The following DKK3 variants were observed in gnomAD, a reference collection of about 807,000 sequenced individuals.
The protein encoded by DKK3 is dickkopf Wnt signaling pathway inhibitor 3.
DKK3 carries 22 observed loss-of-function variants against 33.2 expected under a neutral mutation model. That is an observed-to-expected ratio of 0.66 (90% confidence interval 0.47 to 0.95). DKK3 has a LOEUF of 0.95. DKK3 is among the 40% of genes least tolerant of loss of function. The pLI is 0.00. For missense variants in DKK3, 398 were observed against 458.4 expected, an observed-to-expected ratio of 0.87 and a Z score of 1.20; for synonymous variants, 194 against 188.8, an observed-to-expected ratio of 1.03 and a Z score of -0.23.
In DKK3 at chr11:11,970,129, T is replaced by C. The variant is rs565132012; in HGVS notation, c.436-1642A>G. Among the ~76,000 whole-genome samples the C allele has an allele frequency of 4.6e-5, 7 of 151,618 alleles. No homozygotes were observed. In the East Asian group the frequency reaches 7.8e-4, roughly 17 times the overall value. On this transcript the variant is annotated intron_variant, in intron 3 of 6. Transcript: ENST00000683431. ...TTTCCAAAGCAGAATGGCAAGAAAA[T>C]GGAGTGGGAGGGACGACATTTGGGA...
At chr11:11,974,279 G>C (rs933075519) in intron 3 of DKK3, among the ~76,000 whole-genome samples, 2 of 152,248 alleles carry the variant, frequency 1.3e-5, no homozygotes, top group African/African-American at 4.8e-5. Flanking sequence ...CATCCTTCAG[G>C]CTTTAAGTAT....
At position 11,965,772 on chromosome 11, in the gene DKK3, C is replaced by T. The variant is rs983361753; in HGVS notation, c.830+37G>A. On this transcript the variant is annotated intron_variant, in intron 6 of 6. Transcript: ENST00000683431. ...CCCTGCTGGATGGCACCTCCTCAGC[C>T]CTTGGCTCCCTGAGAGTGAGGGTTA... 6.8e-6 allele frequency: 11 copies of T among 1,606,518 alleles called. No individual in the cohort carries two copies. The Admixed American group carries it at 1.5e-4, about 22-fold the overall frequency.
At chr11:11,993,556 G>GCCTAC (rs1848229593) in intron 3 of DKK3, among the ~76,000 whole-genome samples, 1 of 151,994 alleles carries the variant, frequency 6.6e-6, no homozygotes, top group South Asian at 2.1e-4. Context: ...AAAAAGAAAT[G>GCCTAC]CCTACCCCAT....
chr11:11,976,691 G>T (rs1847840637), intron 3 of DKK3, among the ~76,000 whole-genome samples: 1 of 152,232 alleles, frequency 6.6e-6, no homozygotes, highest in African/African-American at 2.4e-5. Flanking sequence ...TGTGCCTGCT[G>T]CAGGAGGGCA....
chr11:11,993,644 A>T (rs1009114344), intron 3 of DKK3, among the ~76,000 whole-genome samples: 2 of 152,176 alleles, frequency 1.3e-5, no homozygotes, highest in African/African-American at 4.8e-5. Context: ...GAGCTCTTCA[A>T]TTTTTCTTAT....
At chr11:11,964,974 T>G (rs1243771754) in intron 6 of DKK3, among the ~76,000 whole-genome samples, 1 of 152,154 alleles carries the variant, frequency 6.6e-6, no homozygotes, top group Non-Finnish European at 1.5e-5. Flanking sequence ...ACCTGAGTGC[T>G]ATGTAGCAGC....
intron 6 of DKK3, among the ~76,000 whole-genome samples, chr11:11,964,943 GC>G (rs1051428206): frequency 1.8e-4 from 27 of 152,258 alleles, no homozygotes; most frequent in Middle Eastern, 3.4e-3. Context: ...TGACTCTCAG[GC>G]CCCGCAGCCC....
intron 1 of DKK3, among the ~76,000 whole-genome samples, chr11:12,006,293 C>T (rs1848534655): frequency 6.6e-6 from 1 of 152,176 alleles, no homozygotes; most frequent in South Asian, 2.1e-4. Context: ...GGGCTCTTGA[C>T]CTGACCAGTG....
intron 3 of DKK3, among the ~76,000 whole-genome samples, chr11:11,994,385 G>A (rs1330087465): frequency 3.3e-5 from 5 of 151,962 alleles, no homozygotes; most frequent in East Asian, 1.9e-4. Context: ...TGCAGGGCTC[G>A]AACCGAGGTC....
rs181582704 is a variant in DKK3, at chr11:11,974,658, T to C, written c.436-6171A>G. Among the ~76,000 whole-genome samples, 583 of 152,298 alleles carry C rather than the reference T, an allele frequency of 3.8e-3. 3 individuals carry two copies. The highest frequency in any genetic ancestry group is 6.5e-3 in the Non-Finnish European group (443 of 68,030). ...CCTCTTAATACTGTTAAAATGGAAA[T>C]TGAATTTCAACATGAGTTCTGGAGC... On this transcript the variant is annotated intron_variant, in intron 3 of 6. Transcript: ENST00000683431.
intron 4 of DKK3, 42 bp downstream of exon 4, chr11:11,968,353 G>C (rs769205777): frequency 2.5e-6 from 4 of 1,574,000 alleles, no homozygotes; most frequent in Non-Finnish European, 3.5e-6. Flanking sequence ...CCAGGTGCCT[G>C]AGACCCTGGT....
Position 11,964,303 on chromosome 11 carries a change from G to A in DKK3, c.*161C>T. ...GTGAAGCCTGGAGAACAGCCTGGGG[G>A]AGCTGAACAAATGCACAACACCTCA... On this transcript the variant is annotated 3_prime_UTR_variant, in exon 7 of 7. Coordinates refer to ENST00000683431, the MANE Select transcript of DKK3 (RefSeq NM_001018057.2). 1.1e-6 allele frequency: 1 copy of A among 905,012 alleles called. No individual in the cohort carries two copies. The highest frequency in any genetic ancestry group is 1.7e-6 in the Non-Finnish European group (1 of 594,292). 56.1% of individuals were successfully genotyped at this position (905,012 alleles called of 1,614,324 possible). A position where few individuals can be genotyped will look rare whatever the true frequency, so the allele number is the denominator to read the frequency against.
chr11:11,968,405 C>G lies in DKK3; in HGVS notation c.518G>C (p.Gly173Ala). ...CCCTGGCATACTCACCATCCTCTGG[C>G]CCCGGCATGGCTGGCAGGTGTACTG... ...SFQYTCQPCR[G>A]QRMLCTRDSE... Residue 173 changes from glycine (G) to alanine (A), a missense_variant, in exon 4 of 7, where the codon GGC becomes GCC. By Grantham distance (60) the Gly-to-Ala change is moderately conservative (BLOSUM62 0). Transcript: ENST00000683431. 2 of 1,612,648 alleles carry G rather than the reference C, an allele frequency of 1.2e-6. No individual in the cohort carries two copies. Among genetic ancestry groups the G allele is most frequent in the Non-Finnish European group, 1.7e-6 (2 of 1,179,220 alleles).
chr11:11,976,158 T>C (rs1220817503), intron 3 of DKK3, among the ~76,000 whole-genome samples: 1 of 152,186 alleles, frequency 6.6e-6, no homozygotes, highest in East Asian at 1.9e-4. Flanking sequence ...ACATTTCTAC[T>C]GAAAAGGCCC....
chr11:11,974,257 C>A (rs901568412), intron 3 of DKK3, among the ~76,000 whole-genome samples: 6 of 152,270 alleles, frequency 3.9e-5, no homozygotes, highest in Non-Finnish European at 8.8e-5. Context: ...AAGCGCCAAC[C>A]AGTTGCCTGC....
intron 5 of DKK3, 70 bp downstream of exon 5, chr11:11,966,884 G>C (rs2134988798): frequency 6.3e-7 from 1 of 1,575,484 alleles, no homozygotes; most frequent in South Asian, 1.2e-5. Context: ...GCATGGACGT[G>C]GCTCCAGGAG....
At chr11:11,977,605 G>A (rs568793121) in intron 3 of DKK3, among the ~76,000 whole-genome samples, 1 of 152,200 alleles carries the variant, frequency 6.6e-6, no homozygotes, top group South Asian at 2.1e-4. Flanking sequence ...ACTTCTCCGG[G>A]GACTTAGGGT....
At chr11:11,995,719 A>G (rs1848278805) in intron 3 of DKK3, among the ~76,000 whole-genome samples, 1 of 152,216 alleles carries the variant, frequency 6.6e-6, no homozygotes, top group Non-Finnish European at 1.5e-5. Context: ...CACCCCCAGC[A>G]CAAAAGCAGC....
chr11:12,008,269 G>T lies in DKK3; in HGVS notation c.213+101C>A, dbSNP rs1259461954. 4 of 1,426,906 alleles carry T rather than the reference G, an allele frequency of 2.8e-6. No homozygotes were observed. The highest frequency in any genetic ancestry group is 3.7e-6 in the Non-Finnish European group (4 of 1,076,060). The allele number at this position is 1,426,906 out of a possible 1,614,324, so 88.4% of individuals were successfully genotyped here. Reference sequence around the variant, plus strand: ...TGTCGGCCCTTCCCAGGCCCTGCGCGGGACCCGAGGTCCCTGGCCAGCGCT... The same window carrying T: ...TGTCGGCCCTTCCCAGGCCCTGCGCTGGACCCGAGGTCCCTGGCCAGCGCT... On this transcript the variant is annotated intron_variant, in intron 1 of 6. Transcript: ENST00000683431. The surrounding 1 kb of genome is among the most constrained non-coding windows in gnomAD (Gnocchi z 4.6).
Sources: allele counts gnomAD v4.1 joint callset (sites outside exome capture counted in the v4.1 genomes callset), GRCh38; gene constraint gnomAD v4.1.1; non-coding constraint Gnocchi (gnomAD v3.1); transcripts MANE v1.5; gene names NCBI Gene and HGNC (gene_info 2026-07-23, HGNC 2026-07-21).